The following DOCK3 variants were observed in gnomAD, a reference collection of about 807,000 sequenced individuals.
DOCK3 encodes dedicator of cytokinesis 3.
Under a neutral mutation model 265.6 loss-of-function variants are expected in DOCK3, and 60 were observed. The ratio of observed to expected loss-of-function variants is 0.23; its 90% CI spans 0.18 to 0.28. The LOEUF (loss-of-function observed/expected upper bound fraction) is 0.28. DOCK3 is among the 10% of genes least tolerant of loss of function. DOCK3 has a pLI of 1.00. For missense variants in DOCK3, 1,981 were observed against 2,594.3 expected, an observed-to-expected ratio of 0.76 and a Z score of 5.14; for synonymous variants, 881 against 938.0, an observed-to-expected ratio of 0.94 and a Z score of 1.11.
At chr3:50,849,350 A>G (rs928057191) in intron 3 of DOCK3, among the ~76,000 whole-genome samples, 1 of 151,656 alleles carries the variant, frequency 6.6e-6, no homozygotes, top group East Asian at 1.9e-4. Flanking sequence ...ATATACATAT[A>G]TACACACACA....
At chr3:50,983,130 G>GGCCCCCTCTGGACTTTGGGT (rs960817698) in intron 5 of DOCK3, among the ~76,000 whole-genome samples, 5 of 152,112 alleles carry the variant, frequency 3.3e-5, no homozygotes, top group South Asian at 2.1e-4. Flanking sequence ...CTGCTGCCTC[G>GGCCCCCTCTGGACTTTGGGT]GCCCCCTCTG....
intron 5 of DOCK3, among the ~76,000 whole-genome samples, chr3:51,006,791 AG>A (rs1485055264): frequency 6.6e-6 from 1 of 152,112 alleles, no homozygotes; most frequent in Admixed American, 6.6e-5. Flanking sequence ...ACCCCACAAC[AG>A]GCCCGGGTGT....
At chr3:51,018,395 C>G (rs2079445260) in intron 5 of DOCK3, among the ~76,000 whole-genome samples, 1 of 148,150 alleles carries the variant, frequency 6.7e-6, no homozygotes, top group Non-Finnish European at 1.5e-5. Context: ...TCCAGGAGTC[C>G]AAGAAGAGCC....
intron 3 of DOCK3, among the ~76,000 whole-genome samples, chr3:50,850,038 C>T (rs1023606106): frequency 1.3e-5 from 2 of 151,878 alleles, no homozygotes; most frequent in African/African-American, 4.8e-5. Context: ...TGATTGATTT[C>T]CTTTTAAGAT....
intron 9 of DOCK3, among the ~76,000 whole-genome samples, chr3:51,104,988 A>G (rs2083229218): frequency 6.6e-6 from 1 of 152,136 alleles, no homozygotes; most frequent in African/African-American, 2.4e-5. Flanking sequence ...AGGGTTAGGA[A>G]AAGTTTTCTG....
At chr3:51,095,120 C>T (rs145950292) in intron 9 of DOCK3, among the ~76,000 whole-genome samples, 2,575 of 151,928 alleles carry the variant, frequency 0.017, 53 homozygotes, top group African/African-American at 0.042. Flanking sequence ...TCCAATTTAC[C>T]AGTCTGTGTC....
chr3:51,000,211 G>A (rs2078427832), intron 5 of DOCK3, among the ~76,000 whole-genome samples: 1 of 152,130 alleles, frequency 6.6e-6, no homozygotes. Context: ...TTGCTCAGGC[G>A]ACTGTGGTTT....
intron 4 of DOCK3, among the ~76,000 whole-genome samples, chr3:50,923,545 T>C (rs577037443): frequency 2.0e-5 from 3 of 152,332 alleles, no homozygotes; most frequent in African/African-American, 7.2e-5. Context: ...TAGATTTTAG[T>C]GTAAAGCTAA....
intron 2 of DOCK3, among the ~76,000 whole-genome samples, chr3:50,831,681 A>C (rs528295173): frequency 2.6e-4 from 39 of 152,308 alleles, no homozygotes; most frequent in Non-Finnish European, 4.4e-5. Flanking sequence ...ATAGTGCTGC[A>C]ATAAACATAT....
chr3:50,973,402 T>C (rs1256425012), intron 5 of DOCK3, among the ~76,000 whole-genome samples: 1 of 145,230 alleles, frequency 6.9e-6, no homozygotes, highest in South Asian at 2.3e-4. Context: ...GGTTTTTTGT[T>C]CTTGCGATAG....
At chr3:50,944,722 GT>G (rs2076383152) in intron 5 of DOCK3, among the ~76,000 whole-genome samples, 1 of 152,156 alleles carries the variant, frequency 6.6e-6, no homozygotes, top group South Asian at 2.1e-4. Context: ...ACTTTGGGAG[GT>G]TGAGGTGAGC....
At chr3:51,115,138 A>G (rs1405925568) in intron 9 of DOCK3, among the ~76,000 whole-genome samples, 2 of 152,328 alleles carry the variant, frequency 1.3e-5, no homozygotes, top group Admixed American at 6.5e-5. Flanking sequence ...AGAATGATTT[A>G]TAATCCTTAG....
intron 40 of DOCK3, among the ~76,000 whole-genome samples, chr3:51,351,057 T>C (rs1271152380): frequency 6.6e-6 from 1 of 152,220 alleles, no homozygotes; most frequent in Admixed American, 6.5e-5. Context: ...TGACTGAGCA[T>C]AGATCTACTG....
chr3:51,145,562 TC>T (rs2085260820), intron 9 of DOCK3, among the ~76,000 whole-genome samples: 1 of 152,210 alleles, frequency 6.6e-6, no homozygotes, highest in Non-Finnish European at 1.5e-5. Context: ...CAACACAAAT[TC>T]GTAAACTTTC....
chr3:51,335,019 C>T (rs1462319896), intron 35 of DOCK3, among the ~76,000 whole-genome samples: 1 of 152,168 alleles, frequency 6.6e-6, no homozygotes, highest in Admixed American at 6.5e-5. Context: ...GCCCTACACA[C>T]CAGCCTCCCA....
intron 27 of DOCK3, among the ~76,000 whole-genome samples, chr3:51,281,307 C>A (rs28385356): frequency 1.0e-4 from 13 of 127,160 alleles, no homozygotes; most frequent in African/African-American, 3.2e-4. Flanking sequence ...ATATATATAT[C>A]TCATAATATT....
intron 35 of DOCK3, chr3:51,336,814 C>A: frequency 6.6e-6 from 3 of 452,790 alleles, no homozygotes; most frequent in South Asian, 4.7e-5. Flanking sequence ...CTGGTTATGG[C>A]CAAATAGAAG....
At chr3:51,094,938 T>C (rs2109631090) in intron 9 of DOCK3, among the ~76,000 whole-genome samples, 1 of 152,104 alleles carries the variant, frequency 6.6e-6, no homozygotes, top group East Asian at 1.9e-4. Flanking sequence ...TCTTTGTCTT[T>C]TTTGATCTTT....
chr3:50,725,954 G>A (rs577824406), intron 1 of DOCK3, among the ~76,000 whole-genome samples: 31 of 152,212 alleles, frequency 2.0e-4, no homozygotes, highest in African/African-American at 6.5e-4. Flanking sequence ...GATTCTTACA[G>A]GGTACACCCT....
Sources: gnomAD v4.1 joint callset for allele counts (sites outside exome capture counted in the v4.1 genomes callset) on GRCh38, gnomAD v4.1.1 for gene constraint, MANE v1.5 for transcripts, NCBI Gene and HGNC (gene_info 2026-07-23, HGNC 2026-07-21) for gene names.